Variants in C2CD4B observed in about 807,000 individuals in gnomAD.
C2CD4B encodes C2 calcium-dependent domain-containing protein 4B.
For missense variants in C2CD4B, 644 were observed against 577.7 expected, an observed-to-expected ratio of 1.11 and a Z score of -1.18; for synonymous variants, 347 against 284.9, an observed-to-expected ratio of 1.22 and a Z score of -2.20.
Position 62,164,143 on chromosome 15 carries a change from C to T in C2CD4B, c.842G>A (p.Gly281Glu), listed in dbSNP as rs2049583057. ...GAGGCGGCAGCGGACGGCGCGGGGC[C>T]CGGGGGCGCCTCCGAACAGGCTCTC... ...RAESLFGGAP[G>E]PRAVRCRLSL... The change falls in exon 2 of 2, where the codon GGG (glycine) becomes GAG (glutamate). Residue 281 changes from glycine (G) to glutamate (E), a missense_variant. By Grantham distance (98) the Gly-to-Glu change is moderately conservative. Transcript: ENST00000380392. 5.5e-6 allele frequency: 8 copies of T among 1,455,558 alleles called. No individual in the cohort carries two copies. Among genetic ancestry groups the T allele is most frequent in the Non-Finnish European group, 7.2e-6 (8 of 1,114,226 alleles). The allele number at this position is 1,455,558 out of a possible 1,614,324, so 90.2% of individuals were successfully genotyped here.
In C2CD4B at chr15:62,163,833, C is replaced by A; in HGVS notation, c.*57G>T. The A allele has an allele frequency of 1.4e-6, 2 of 1,415,604 alleles. No individual in the cohort carries two copies. The highest frequency in any genetic ancestry group is 1.5e-5 in the South Asian group (1 of 64,734). The allele number at this position is 1,415,604 out of a possible 1,614,324, so 87.7% of individuals were successfully genotyped here. On this transcript the variant is annotated 3_prime_UTR_variant, in exon 2 of 2. Transcript: ENST00000380392. ...AATAAATAACGTTTATTCTGTACCA[C>A]GCGGCTGTCAGTGTCCGGAGTCTCC...
At position 62,164,825 on chromosome 15, in the gene C2CD4B, C is replaced by G; in HGVS notation, c.160G>C (p.Val54Leu). 34 of 1,462,338 alleles carry G rather than the reference C, an allele frequency of 2.3e-5. No individual in the cohort carries two copies. The highest frequency in any genetic ancestry group is 3.0e-5 in the Non-Finnish European group (34 of 1,118,118). 90.6% of individuals were successfully genotyped at this position (1,462,338 alleles called of 1,614,324 possible). The change falls in exon 2 of 2, where the codon GTG becomes CTG. Residue 54 changes from valine (V) to leucine (L), a missense_variant. By Grantham distance (32) the Val-to-Leu change is conservative. Coordinates refer to ENST00000380392, the MANE Select transcript of C2CD4B (RefSeq NM_001007595.3). ...CTTTCAGCGGCGCAGCGCCGGGGCA[C>G]GGCGGCGGCCCGGATTGGAGACTCG... ...TLESPIRAAA[V>L]PRRCAAESDL... is the part of the protein sequence containing the mutation.
At position 62,163,869 on chromosome 15, in the gene C2CD4B, G is replaced by T. The variant is rs1478784001; in HGVS notation, c.*21C>A. ...GTGTCCGGAGTCTCCAGGGCAGAGC[G>T]CCCCGGGGAGGGCTGGGCCCTCAGA... On this transcript the variant is annotated 3_prime_UTR_variant, in exon 2 of 2. Transcript: ENST00000380392. 1 of 1,463,692 alleles carries T rather than the reference G, an allele frequency of 6.8e-7. No individual in the cohort carries two copies. The highest frequency in any genetic ancestry group is 9.0e-7 in the Non-Finnish European group (1 of 1,114,948). 90.7% of individuals were successfully genotyped at this position (1,463,692 alleles called of 1,614,324 possible).
chr15:62,165,050 T>C, intron 1 of C2CD4B, 26 bp from the exon 2 acceptor site: 2 of 1,442,936 alleles, frequency 1.4e-6, no homozygotes, highest in East Asian at 2.9e-5. Context: ...GCTGCTGAGT[T>C]TGGGCGCCTG....
chr15:62,164,293 G>A lies in C2CD4B; in HGVS notation c.692C>T (p.Ala231Val). The A allele has an allele frequency of 7.0e-6, 10 of 1,419,470 alleles. No individual in the cohort carries two copies. Among genetic ancestry groups the A allele is most frequent in the Non-Finnish European group, 9.1e-6 (10 of 1,096,992 alleles). The allele number at this position is 1,419,470 out of a possible 1,614,324, so 87.9% of individuals were successfully genotyped here. Reference sequence around the variant, plus strand: ...GGCCTCCAGGCGCTCAGGAAGCGGGGCCCTGGATGACAGCGGGCTCGAGGA... The same window carrying A: ...GGCCTCCAGGCGCTCAGGAAGCGGGACCCTGGATGACAGCGGGCTCGAGGA... Reference protein sequence around the residue: ...APSSSPLSSRAPLPERLEAKG... With the variant: ...APSSSPLSSRVPLPERLEAKG... The change falls in exon 2 of 2, where the codon GCC (alanine) becomes GTC (valine). Residue 231 changes from alanine to valine, a missense_variant. Coordinates refer to ENST00000380392, the MANE Select transcript of C2CD4B (RefSeq NM_001007595.3).
Position 62,164,514 on chromosome 15 carries a change from G to A in C2CD4B, c.471C>T (p.Pro157=), listed in dbSNP as rs2049590353. The A allele has an allele frequency of 1.7e-6, 2 of 1,171,836 alleles. No homozygotes were observed. Among genetic ancestry groups the A allele is most frequent in the East Asian group, 3.9e-5 (1 of 25,678 alleles). 72.6% of individuals were successfully genotyped at this position (1,171,836 alleles called of 1,614,324 possible). A position where few individuals can be genotyped will look rare whatever the true frequency, so the allele number is the denominator to read the frequency against. ...RGPGPATPAA[P]GGPRLPQDAL... ...CGTCCTGGGGCAGGCGGGGACCGCC[G>A]GGGGCCGCGGGGGTGGCCGGGCCCG... The change falls in exon 2 of 2, where the codon CCC becomes CCT. Residue 157 remains proline, a synonymous_variant. Coordinates refer to ENST00000380392, the MANE Select transcript of C2CD4B (RefSeq NM_001007595.3).
chr15:62,164,871 C>T lies in C2CD4B; in HGVS notation c.114G>A (p.Arg38=). The change falls in exon 2 of 2, where the codon CGG becomes CGA. Residue 38 remains arginine (R), a synonymous_variant. Transcript: ENST00000380392. ...NRIPEFCIPP[R]LPAPCTLESP... is the part of the protein sequence containing the mutation. The stretch of plus-strand genomic sequence containing the variant: ...ACTCGAGCGTGCAAGGGGCCGGCAG[C>T]CGCGGCGGGATGCAGAATTCGGGGA... The T allele has an allele frequency of 6.6e-7, 1 of 1,508,624 alleles. No homozygotes were observed. Among genetic ancestry groups the T allele is most frequent in the Non-Finnish European group, 8.8e-7 (1 of 1,133,336 alleles). The allele number at this position is 1,508,624 out of a possible 1,614,324, so 93.5% of individuals were successfully genotyped here.
Position 62,163,629 on chromosome 15 carries a change from C to A in C2CD4B, c.*261G>T, listed in dbSNP as rs978081607. ...CAATGCAGATGGGTGTACTTCCTTT[C>A]TCTCCCAGTCCCAAGCCAACCCATT... On this transcript the variant is annotated 3_prime_UTR_variant, in exon 2 of 2. Coordinates refer to ENST00000380392, the MANE Select transcript of C2CD4B (RefSeq NM_001007595.3). 57 of 405,356 alleles carry A rather than the reference C, an allele frequency of 1.4e-4. No homozygotes were observed. Among genetic ancestry groups the A allele is most frequent in the Non-Finnish European group, 2.2e-4 (51 of 235,796 alleles). The allele number at this position is 405,356 out of a possible 1,614,324, so 25.1% of individuals were successfully genotyped here.
At position 62,164,632 on chromosome 15, in the gene C2CD4B, C is replaced by G; in HGVS notation, c.353G>C (p.Gly118Ala). ...HTRRKESLLL[G>A]GPPAPRPRAH... is the part of the protein sequence containing the mutation. ...CCGGGGCCGGGGCGCGGGCGGGCCC[C>G]CGAGCAGGAGCGACTCCTTGCGGCG... Residue 118 changes from glycine to alanine, a missense_variant, in exon 2 of 2, where the codon GGG (glycine) becomes GCG (alanine). Coordinates refer to ENST00000380392, the MANE Select transcript of C2CD4B (RefSeq NM_001007595.3). 2 of 1,345,204 alleles carry G rather than the reference C, an allele frequency of 1.5e-6. No homozygotes were observed. The highest frequency in any genetic ancestry group is 9.5e-7 in the Non-Finnish European group (1 of 1,050,218). 83.3% of individuals were successfully genotyped at this position (1,345,204 alleles called of 1,614,324 possible).
At position 62,164,695 on chromosome 15, in the gene C2CD4B, G is replaced by T; in HGVS notation, c.290C>A (p.Thr97Asn). The change falls in exon 2 of 2, where the codon ACC becomes AAC. Residue 97 changes from threonine (T) to asparagine (N), a missense_variant. By Grantham distance (65) the Thr-to-Asn change is moderately conservative. Transcript: ENST00000380392. ...CTCGAGCAGCGCGCAGAAGCCGTAG[G>T]TGGTGCGCACACGGGGCAGGTGCGG... ...SLPHLPRVRT[T>N]YGFCALLESP... The T allele has an allele frequency of 6.8e-7, 1 of 1,470,790 alleles. No individual in the cohort carries two copies. Among genetic ancestry groups the T allele is most frequent in the East Asian group, 3.0e-5 (1 of 33,620 alleles). 91.1% of individuals were successfully genotyped at this position (1,470,790 alleles called of 1,614,324 possible).
chr15:62,164,164 C>T lies in C2CD4B; in HGVS notation c.821G>A (p.Ser274Asn). The change falls in exon 2 of 2, where the codon AGC becomes AAC. Residue 274 changes from serine (S) to asparagine (N), a missense_variant. Transcript: ENST00000380392. ...GGGCCCGGGGGCGCCTCCGAACAGG[C>T]TCTCCGCGCGGAGCAGCCGGAGGCG... is the stretch of plus-strand genomic sequence containing the variant. ...RLRLRLLRAE[S>N]LFGGAPGPRA... 1 of 1,466,042 alleles carries T rather than the reference C, an allele frequency of 6.8e-7. No individual in the cohort carries two copies. The highest frequency in any genetic ancestry group is 8.9e-7 in the Non-Finnish European group (1 of 1,118,352). The allele number at this position is 1,466,042 out of a possible 1,614,324, so 90.8% of individuals were successfully genotyped here.
rs1268010899 is a variant in C2CD4B, at chr15:62,163,809, AT to A, written c.*80del. 4 of 1,360,874 alleles carry A rather than the reference AT, an allele frequency of 2.9e-6. No individual in the cohort carries two copies. The African/African-American group carries it at 4.6e-5, about 16-fold the overall frequency. 84.3% of individuals were successfully genotyped at this position (1,360,874 alleles called of 1,614,324 possible). A position where few individuals can be genotyped will look rare whatever the true frequency, so the allele number is the denominator to read the frequency against. ...ATAAAGCAGTATCATAAATAAAAAA[AT>A]AAATAACGTTTATTCTGTACCACGC... On this transcript the variant is annotated 3_prime_UTR_variant, in exon 2 of 2. Transcript: ENST00000380392.
chr15:62,164,131 A>G lies in C2CD4B; in HGVS notation c.854T>C (p.Val285Ala), dbSNP rs1335720242. ...LFGGAPGPRA[V>A]RCRLSLVLRP... ...CAGGACGAGGCTGAGGCGGCAGCGG[A>G]CGGCGCGGGGCCCGGGGGCGCCTCC... Residue 285 changes from valine to alanine, a missense_variant, in exon 2 of 2, where the codon GTC becomes GCC. Physicochemically the swap from Val to Ala is moderately conservative, Grantham distance 64. Coordinates refer to ENST00000380392, the MANE Select transcript of C2CD4B (RefSeq NM_001007595.3). 6 of 1,467,622 alleles carry G rather than the reference A, an allele frequency of 4.1e-6. No homozygotes were observed. The highest frequency in any genetic ancestry group is 2.5e-5 in the Admixed American group (1 of 39,518). The allele number at this position is 1,467,622 out of a possible 1,614,324, so 90.9% of individuals were successfully genotyped here. A position where few individuals can be genotyped will look rare whatever the true frequency, so the allele number is the denominator to read the frequency against.
At position 62,164,853 on chromosome 15, in the gene C2CD4B, C is replaced by T. The variant is rs1303531292; in HGVS notation, c.132G>A (p.Thr44=). The change falls in exon 2 of 2, where the codon ACG becomes ACA. Residue 44 remains threonine (T), a synonymous_variant. Transcript: ENST00000380392. The stretch of plus-strand genomic sequence containing the variant: ...CGGCGGCCCGGATTGGAGACTCGAG[C>T]GTGCAAGGGGCCGGCAGCCGCGGCG... The part of the protein sequence containing the change: ...CIPPRLPAPC[T]LESPIRAAAV... 2.0e-6 allele frequency: 3 copies of T among 1,487,464 alleles called. No homozygotes were observed. Among genetic ancestry groups the T allele is most frequent in the Non-Finnish European group, 2.7e-6 (3 of 1,125,208 alleles). The allele number at this position is 1,487,464 out of a possible 1,614,324, so 92.1% of individuals were successfully genotyped here.
chr15:62,164,290 G>A lies in C2CD4B; in HGVS notation c.695C>T (p.Pro232Leu). 1 of 1,420,550 alleles carries A rather than the reference G, an allele frequency of 7.0e-7. No individual in the cohort carries two copies. Among genetic ancestry groups the A allele is most frequent in the Non-Finnish European group, 9.1e-7 (1 of 1,097,542 alleles). The allele number at this position is 1,420,550 out of a possible 1,614,324, so 88.0% of individuals were successfully genotyped here. ...CTTGGCCTCCAGGCGCTCAGGAAGC[G>A]GGGCCCTGGATGACAGCGGGCTCGA... ...PSSSPLSSRA[P>L]LPERLEAKGT... The change falls in exon 2 of 2, where the codon CCG (proline) becomes CTG (leucine). Residue 232 changes from proline (P) to leucine (L), a missense_variant. Coordinates refer to ENST00000380392, the MANE Select transcript of C2CD4B (RefSeq NM_001007595.3).
Position 62,164,495 on chromosome 15 carries a change from G to A in C2CD4B, c.490C>T (p.Gln164Ter). The A allele has an allele frequency of 8.2e-7, 1 of 1,220,660 alleles. No homozygotes were observed. The highest frequency in any genetic ancestry group is 1.0e-6 in the Non-Finnish European group (1 of 983,674). The allele number at this position is 1,220,660 out of a possible 1,614,324, so 75.6% of individuals were successfully genotyped here. ...CGGGGCCCCGCAGCGAGCGCGTCCT[G>A]GGGCAGGCGGGGACCGCCGGGGGCC... ...PAAPGGPRLP[Q>*]DALAAGPRRC... is the part of the protein sequence containing the mutation. Residue 164 changes from glutamine to a stop codon, truncating the protein, a stop_gained, in exon 2 of 2, where the codon CAG becomes TAG. Transcript: ENST00000380392. LOFTEE classifies it low-confidence loss of function (END_TRUNC).
In C2CD4B at chr15:62,164,044, G is replaced by A. The variant is rs1309448409; in HGVS notation, c.941C>T (p.Ser314Phe). ...GTCGAAGCAAAAGTCCTGGTCAAAG[G>A]AGGCCTTGCGGCTGCGCCCCACCAC... ...SAVVGRSRKA[S>F]FDQDFCFDGL... Residue 314 changes from serine to phenylalanine, a missense_variant, in exon 2 of 2, where the codon TCC becomes TTC. By Grantham distance (155) the Ser-to-Phe change is radical (BLOSUM62 -2). Coordinates refer to ENST00000380392, the MANE Select transcript of C2CD4B (RefSeq NM_001007595.3). 2 of 1,595,562 alleles carry A rather than the reference G, an allele frequency of 1.3e-6. No homozygotes were observed. The highest frequency in any genetic ancestry group is 1.1e-5 in the South Asian group (1 of 88,426).
At position 62,164,311 on chromosome 15, in the gene C2CD4B, C is replaced by A. The variant is rs2049586392; in HGVS notation, c.674G>T (p.Ser225Ile). Residue 225 changes from serine (S) to isoleucine (I), a missense_variant, in exon 2 of 2, where the codon AGC becomes ATC. Ser to Ile is a moderately radical substitution (Grantham distance 142). Transcript: ENST00000380392. ...SESPARAPSS[S>I]PLSSRAPLPE... ...AAGCGGGGCCCTGGATGACAGCGGG[C>A]TCGAGGAGGGGGCCCGGGCCGGGGA... is the stretch of plus-strand genomic sequence containing the variant. 4.3e-6 allele frequency: 6 copies of A among 1,409,842 alleles called. No individual in the cohort carries two copies. Among genetic ancestry groups the A allele is most frequent in the Non-Finnish European group, 5.5e-6 (6 of 1,090,972 alleles). 87.3% of individuals were successfully genotyped at this position (1,409,842 alleles called of 1,614,324 possible). A position where few individuals can be genotyped will look rare whatever the true frequency, so the allele number is the denominator to read the frequency against.
In C2CD4B at chr15:62,164,628, GC is replaced by G. The variant is rs1178494719; in HGVS notation, c.356del (p.Gly119AlafsTer66). On this transcript the variant is annotated frameshift_variant, in exon 2 of 2. Coordinates refer to ENST00000380392, the MANE Select transcript of C2CD4B (RefSeq NM_001007595.3). LOFTEE classifies it low-confidence loss of function (END_TRUNC). ...TRRKESLLLG[G>X]PPAPRPRAHS... is the part of the protein sequence containing the mutation. ...GGGCCCGGGGCCGGGGCGCGGGCGG[GC>G]CCCCGAGCAGGAGCGACTCCTTGCG... is the stretch of plus-strand genomic sequence containing the variant. 2.4e-5 allele frequency: 32 copies of G among 1,313,102 alleles called. No individual in the cohort carries two copies. Among genetic ancestry groups the G allele is most frequent in the Non-Finnish European group, 2.9e-5 (30 of 1,035,134 alleles). The allele number at this position is 1,313,102 out of a possible 1,614,324, so 81.3% of individuals were successfully genotyped here.
Sources: gnomAD v4.1 joint callset for allele counts on GRCh38, gnomAD v4.1.1 for gene constraint, MANE v1.5 for transcripts, NCBI Gene and HGNC (gene_info 2026-07-23, HGNC 2026-07-21) for gene names.